ITSN1: variants seen among roughly 807,000 people sequenced by gnomAD.
The protein encoded by ITSN1 is intersectin 1, also known as intersectin-1.
A neutral mutation model predicts 239.8 loss-of-function variants in ITSN1; 58 were observed. The ratio of observed to expected loss-of-function variants is 0.24; its 90% CI spans 0.20 to 0.30. The LOEUF (loss-of-function observed/expected upper bound fraction) is 0.30, where lower values mean the gene tolerates loss of function less well. Among genes scored for constraint, ITSN1 ranks in the 10% least tolerant of loss-of-function variants. The pLI is 1.00. For synonymous variants in ITSN1, 780 were observed against 770.8 expected (o/e 1.01, Z -0.20); for missense variants, 1,558 against 2,103.3 (o/e 0.74, Z 5.07).
intron 5 of ITSN1, among the ~76,000 whole-genome samples, chr21:33,743,134 G>A (rs745518988): frequency 4.9e-4 from 75 of 152,186 alleles, no homozygotes; most frequent in Non-Finnish European, 9.6e-4. Context: ...ACTAACTGAA[G>A]AAAAATAGAA....
At chr21:33,660,175 G>A (rs1042435696) in intron 1 of ITSN1, among the ~76,000 whole-genome samples, 4 of 152,072 alleles carry the variant, frequency 2.6e-5, no homozygotes, top group East Asian at 1.9e-4. Flanking sequence ...TTCCTGACTC[G>A]TCTGGCTTCT....
At chr21:33,720,855 G>A (rs1429966760) in intron 2 of ITSN1, among the ~76,000 whole-genome samples, 2 of 152,090 alleles carry the variant, frequency 1.3e-5, no homozygotes, top group Admixed American at 6.6e-5. Flanking sequence ...AATTTAGTCT[G>A]TTGCTTGGGT....
intron 24 of ITSN1, among the ~76,000 whole-genome samples, chr21:33,821,186 A>G (rs1016085321): frequency 6.6e-6 from 1 of 152,208 alleles, no homozygotes; most frequent in African/African-American, 2.4e-5. Context: ...TTGTTTTGAG[A>G]CATGTACTGA....
chr21:33,724,097 T>G (rs73199848), intron 4 of ITSN1, among the ~76,000 whole-genome samples: 5 of 150,540 alleles, frequency 3.3e-5, no homozygotes, highest in African/African-American at 7.3e-5. Context: ...GTGTGTGTGT[T>G]TGTGTGTGTG....
At chr21:33,658,599 A>G (rs1488792999) in intron 1 of ITSN1, among the ~76,000 whole-genome samples, 1 of 152,194 alleles carries the variant, frequency 6.6e-6, no homozygotes, top group Non-Finnish European at 1.5e-5. Flanking sequence ...GCAGTTCATC[A>G]TTGACTCAAA....
At chr21:33,845,841 C>T (rs896895352) in intron 29 of ITSN1, among the ~76,000 whole-genome samples, 1 of 152,216 alleles carries the variant, frequency 6.6e-6, no homozygotes, top group Non-Finnish European at 1.5e-5. Context: ...CTTTGACCCT[C>T]CAAACCACTT....
chr21:33,823,073 A>G (rs1207329178), intron 24 of ITSN1, among the ~76,000 whole-genome samples: 2 of 152,274 alleles, frequency 1.3e-5, no homozygotes, highest in Middle Eastern at 6.3e-3. Context: ...TATGCTTACC[A>G]AGAGCCTGCA....
At chr21:33,796,953 A>G (rs905935022) in intron 17 of ITSN1, among the ~76,000 whole-genome samples, 1 of 152,180 alleles carries the variant, frequency 6.6e-6, no homozygotes. Context: ...CAATAAAACA[A>G]TCCCTTGCTT....
chr21:33,883,016 G>A (rs1360913811), intron 35 of ITSN1, among the ~76,000 whole-genome samples: 4 of 152,090 alleles, frequency 2.6e-5, no homozygotes, highest in Admixed American at 1.3e-4. Context: ...TCTGCATGGG[G>A]GTGTTTTTAC....
intron 29 of ITSN1, chr21:33,837,992 G>A (rs2074685957): frequency 1.0e-6 from 1 of 985,616 alleles, no homozygotes; most frequent in Admixed American, 6.2e-5. Context: ...TAATTTTCTT[G>A]ACAAGAAAGA....
chr21:33,788,639 G>A (rs934279391), intron 16 of ITSN1, among the ~76,000 whole-genome samples: 2 of 152,182 alleles, frequency 1.3e-5, no homozygotes, highest in African/African-American at 4.8e-5. Flanking sequence ...GCTGAGGCAG[G>A]AGAATCACTT....
intron 1 of ITSN1, among the ~76,000 whole-genome samples, chr21:33,684,742 TTAATC>T (rs1464541993): frequency 1.3e-5 from 2 of 152,138 alleles, no homozygotes; most frequent in African/African-American, 4.8e-5. Flanking sequence ...AGAGAAAACA[TTAATC>T]TAGAGTAGGT....
intron 30 of ITSN1, among the ~76,000 whole-genome samples, chr21:33,858,187 G>C (rs1192759246): frequency 6.6e-6 from 1 of 152,214 alleles, no homozygotes; most frequent in Non-Finnish European, 1.5e-5. Context: ...GGAGGCTGAG[G>C]ACACAGCGAT....
chr21:33,878,119 TC>T (rs1471356143), intron 34 of ITSN1, among the ~76,000 whole-genome samples: 14 of 151,418 alleles, frequency 9.2e-5, no homozygotes, highest in African/African-American at 3.2e-4. Context: ...CACTGCAGCC[TC>T]AACCTCCTCG....
chr21:33,793,212 C>T (rs936443688), intron 16 of ITSN1, among the ~76,000 whole-genome samples: 3 of 152,168 alleles, frequency 2.0e-5, no homozygotes, highest in Non-Finnish European at 2.9e-5. Context: ...TGTTCAATCT[C>T]TGAATGAATC....
chr21:33,829,755 T>C lies in ITSN1; in HGVS notation c.3351+10T>C. The stretch of plus-strand genomic sequence containing the variant: ...GGAAGGAGAGCTGCAAGTCAGTGTC[T>C]TTTTTGTTTATTTACAATTCTCCAT... On this transcript the variant is annotated intron_variant, in intron 27 of 39. Transcript: ENST00000381318. 3 of 1,612,868 alleles carry C rather than the reference T, an allele frequency of 1.9e-6. No individual in the cohort carries two copies. Among genetic ancestry groups the C allele is most frequent in the Non-Finnish European group, 2.5e-6 (3 of 1,179,560 alleles).
chr21:33,881,273 C>A (rs571112247), intron 34 of ITSN1, among the ~76,000 whole-genome samples: 18 of 152,006 alleles, frequency 1.2e-4, no homozygotes, highest in African/African-American at 4.3e-4. Flanking sequence ...CGGGCGTGGT[C>A]GCGAGCACCT....
chr21:33,771,015 C>G (rs1180114291), intron 11 of ITSN1, among the ~76,000 whole-genome samples: 1 of 152,142 alleles, frequency 6.6e-6, no homozygotes, highest in East Asian at 1.9e-4. Flanking sequence ...ATCTGCCCAC[C>G]TCAGCCTCCC....
At chr21:33,709,562 G>A (rs1427016531) in intron 1 of ITSN1, among the ~76,000 whole-genome samples, 4 of 152,170 alleles carry the variant, frequency 2.6e-5, no homozygotes, top group Non-Finnish European at 5.9e-5. Context: ...GGTTACAGGC[G>A]TGAGGCACCG....
Sources: gnomAD v4.1 joint callset for allele counts (sites outside exome capture counted in the v4.1 genomes callset) on GRCh38, gnomAD v4.1.1 for gene constraint, MANE v1.5 for transcripts, NCBI Gene and HGNC (gene_info 2026-07-23, HGNC 2026-07-21) for gene names.